Variants in WT1 observed in about 807,000 individuals in gnomAD.
The protein encoded by WT1 is WT1 transcription factor, also known as Wilms tumor protein.
WT1 carries 8 observed loss-of-function variants against 60.8 expected under a neutral mutation model. That is an observed-to-expected ratio of 0.13 (90% confidence interval 0.08 to 0.24). The LOEUF (loss-of-function observed/expected upper bound fraction) is 0.24, where lower values mean the gene tolerates loss of function less well. Among genes scored for constraint, WT1 ranks in the 10% least tolerant of loss-of-function variants. The pLI is 1.00. For missense variants in WT1, 568 were observed against 711.8 expected (o/e 0.80, Z 2.30); for synonymous variants, 312 against 297.1 (o/e 1.05, Z -0.52).
intron 5 of WT1, among the ~76,000 whole-genome samples, chr11:32,409,792 G>T (rs1223335161): frequency 6.6e-6 from 1 of 151,908 alleles, no homozygotes; most frequent in Non-Finnish European, 1.5e-5. Context: ...ATCTATCCCA[G>T]CTTCTGGCTA....
chr11:32,427,302 G>GGAGC (rs1320316179), intron 3 of WT1, among the ~76,000 whole-genome samples: 1 of 152,236 alleles, frequency 6.6e-6, no homozygotes, highest in East Asian at 1.9e-4. Flanking sequence ...GAGGAAGCAC[G>GGAGC]GAGCGGGGAA....
At position 32,435,100 on chromosome 11, in the gene WT1, G is replaced by A. The variant is rs1298313010; in HGVS notation, c.261C>T (p.Ala87=). The change falls in exon 1 of 10, where the codon GCC becomes GCT. Residue 87 remains alanine, a synonymous_variant. Coordinates refer to ENST00000452863, the MANE Select transcript of WT1 (RefSeq NM_024426.6). Reference sequence around the variant, plus strand: ...CGCCGCCGCCACCCAGGGAGGGGACGGCGGGCAGCAGCGCGTTCAGGTCCC... The same window carrying A: ...CGCCGCCGCCACCCAGGGAGGGGACAGCGGGCAGCAGCGCGTTCAGGTCCC... 6.6e-7 allele frequency: 1 copy of A among 1,505,948 alleles called. No homozygotes were observed. The highest frequency in any genetic ancestry group is 8.8e-7 in the Non-Finnish European group (1 of 1,135,462). The allele number at this position is 1,505,948 out of a possible 1,614,324, so 93.3% of individuals were successfully genotyped here.
chr11:32,423,749 G>T (rs1219989516), intron 3 of WT1, among the ~76,000 whole-genome samples: 2 of 152,240 alleles, frequency 1.3e-5, no homozygotes. Flanking sequence ...GTGATAACCT[G>T]TTGTGTCCTT....
intron 5 of WT1, among the ~76,000 whole-genome samples, chr11:32,408,214 A>AG (rs1852380308): frequency 1.4e-5 from 1 of 69,094 alleles, no homozygotes; most frequent in African/African-American, 6.7e-5. Flanking sequence ...TCCATCTCAG[A>AG]AAAAAAAAAA....
At chr11:32,397,345 C>G (rs11823485) in intron 6 of WT1, among the ~76,000 whole-genome samples, 3,254 of 152,196 alleles carry the variant, frequency 0.021, 106 homozygotes, top group African/African-American at 0.074. Context: ...AAGACAGGAT[C>G]TTATTCTGTT....
rs377461655 is a variant in WT1 at position 32,419,294 on chromosome 11, C to T, written c.888-1640G>A. Among the ~76,000 whole-genome samples the T allele has an allele frequency of 4.6e-5, 7 of 152,322 alleles. No homozygotes were observed. The East Asian group carries it at 5.8e-4, about 13-fold the overall frequency. The stretch of plus-strand genomic sequence containing the variant: ...ATAAGCGGCCTCCTCCACAATCTCT[C>T]TACTGGTTTTTGTTCTCCTGCGCCT... On this transcript the variant is annotated intron_variant, in intron 3 of 9. Coordinates refer to ENST00000452863, the MANE Select transcript of WT1 (RefSeq NM_024426.6).
At chr11:32,425,449 A>T (rs1163719453) in intron 3 of WT1, among the ~76,000 whole-genome samples, 1 of 152,238 alleles carries the variant, frequency 6.6e-6, no homozygotes, top group East Asian at 1.9e-4. Flanking sequence ...CATTACATTC[A>T]CAAAAGCATT....
intron 1 of WT1, chr11:32,430,630 G>A (rs2133086700): frequency 6.5e-7 from 1 of 1,528,784 alleles, no homozygotes; most frequent in Non-Finnish European, 8.8e-7. Flanking sequence ...AGGGCCGTGG[G>A]TCCCGAGTCG....
At chr11:32,428,125 A>G in intron 2 of WT1, 67 bp from the exon 3 acceptor site, 1 of 1,408,592 alleles carries the variant, frequency 7.1e-7, no homozygotes, top group South Asian at 1.3e-5. Flanking sequence ...GGCTGCGGGC[A>G]GGGGTTGGGG....
In WT1 at chr11:32,416,533, C is replaced by T. The variant is rs1712081462; in HGVS notation, c.973G>A (p.Ala325Thr). 6.2e-7 allele frequency: 1 copy of T among 1,613,918 alleles called. No homozygotes were observed. Among genetic ancestry groups the T allele is most frequent in the Admixed American group, 1.7e-5 (1 of 59,992 alleles). The change falls in exon 5 of 10, where the codon GCT becomes ACT. Residue 325 changes from alanine to threonine, a missense_variant. Ala to Thr is a moderately conservative substitution (Grantham distance 58). Around this residue, in one of 3 missense-constraint regions of WT1, gnomAD observed 523 missense variants for 565.1 expected, o/e 0.93. Transcript: ENST00000452863. ...CATTTCACTGAGCTGGAGCTCCCAG[C>T]AGCAACTCTAGAAAAGAAGAAGAGG...
chr11:32,397,176 C>T (rs1283147717), intron 6 of WT1, among the ~76,000 whole-genome samples: 5 of 152,200 alleles, frequency 3.3e-5, no homozygotes, highest in Admixed American at 2.6e-4. Flanking sequence ...GCAAGCTCCC[C>T]TTCCTCTTCT....
At position 32,429,467 on chromosome 11, in the gene WT1, C is replaced by G. The variant is rs896807554; in HGVS notation, c.662-848G>C. ...CCCTAGGGAAATCCTAGCATTCCCC[C>G]CCCCCCCCAAAGTGAGAAAAAGAGC... On this transcript the variant is annotated intron_variant, in intron 1 of 9. Transcript: ENST00000452863. Among the ~76,000 whole-genome samples the G allele has an allele frequency of 1.4e-4, 18 of 133,148 alleles. 1 individual carries two copies. The highest frequency in any genetic ancestry group is 7.9e-4 in the Admixed American group (11 of 13,860). 87.4% of individuals were successfully genotyped at this position (133,148 alleles called of 152,430 possible). A position where few individuals can be genotyped will look rare whatever the true frequency, so the allele number is the denominator to read the frequency against.
chr11:32,389,022 T>A lies in WT1; in HGVS notation c.*36A>T. On this transcript the variant is annotated 3_prime_UTR_variant, in exon 10 of 10. Transcript: ENST00000452863. The stretch of plus-strand genomic sequence containing the variant: ...CTTGAAAGCAGTTCACACACTGTGC[T>A]GCCTGGGACACTGAACGGTCCCCGA... The A allele has an allele frequency of 6.2e-7, 1 of 1,614,052 alleles. No individual in the cohort carries two copies. The highest frequency in any genetic ancestry group is 1.1e-5 in the South Asian group (1 of 91,076).
chr11:32,414,566 T>C (rs1006904464), intron 5 of WT1, among the ~76,000 whole-genome samples: 3 of 152,198 alleles, frequency 2.0e-5, no homozygotes, highest in Admixed American at 2.0e-4. Flanking sequence ...TGAGCCACCA[T>C]GCCAGGCCAA....
At chr11:32,417,497 C>T (rs1852712966) in intron 4 of WT1, 80 bp downstream of exon 4, 2 of 1,322,482 alleles carry the variant, frequency 1.5e-6, no homozygotes, top group Admixed American at 3.4e-5. Context: ...GTACTTTCTT[C>T]ATAAGTTCTA....
chr11:32,394,073 T>C (rs1385617862), intron 7 of WT1, among the ~76,000 whole-genome samples: 3 of 151,970 alleles, frequency 2.0e-5, no homozygotes, highest in African/African-American at 2.4e-5. Context: ...TTTAAAAATA[T>C]TTTTTTTAGA....
At chr11:32,433,699 G>T (rs2084892319) in intron 1 of WT1, among the ~76,000 whole-genome samples, 1 of 152,270 alleles carries the variant, frequency 6.6e-6, no homozygotes, top group Non-Finnish European at 1.5e-5. Flanking sequence ...GGCTCCGCAG[G>T]TTCGGGTCCG....
In WT1 at chr11:32,435,161, G is replaced by A. The variant is rs1327516147; in HGVS notation, c.200C>T (p.Ser67Phe). 1.3e-6 allele frequency: 2 copies of A among 1,521,768 alleles called. No individual in the cohort carries two copies. Among genetic ancestry groups the A allele is most frequent in the Non-Finnish European group, 1.8e-6 (2 of 1,140,602 alleles). 94.3% of individuals were successfully genotyped at this position (1,521,768 alleles called of 1,614,324 possible). The change falls in exon 1 of 10, where the codon TCC becomes TTC. Residue 67 changes from serine (S) to phenylalanine (F), a missense_variant. Transcript: ENST00000452863. ...GCCCATTTGCTGCGGCTCAGACCCG[G>A]ACGCCCCGCGGCTCCTCCGGCCCTG...
intron 1 of WT1, among the ~76,000 whole-genome samples, chr11:32,432,599 C>T (rs990185789): frequency 6.6e-6 from 1 of 152,178 alleles, no homozygotes; most frequent in South Asian, 2.1e-4. Flanking sequence ...GCTTTTTCTC[C>T]AGGGTGGAGA....
Sources: gnomAD v4.1 joint callset for allele counts (sites outside exome capture counted in the v4.1 genomes callset) on GRCh38, gnomAD v4.1.1 for gene constraint, gnomAD v4.1.1 regional missense constraint, MANE v1.5 for transcripts, NCBI Gene and HGNC (gene_info 2026-07-23, HGNC 2026-07-21) for gene names.